MYRIP: variants seen among roughly 807,000 people sequenced by gnomAD.
MYRIP encodes rab effector MyRIP.
MYRIP carries 49 observed loss-of-function variants against 98.0 expected under a neutral mutation model. The ratio of observed to expected loss-of-function variants is 0.50; its 90% confidence interval spans 0.40 to 0.63. The LOEUF is 0.63. Among genes scored for constraint, MYRIP ranks in the 30% least tolerant of loss-of-function variants. The pLI, the probability that MYRIP is intolerant of heterozygous loss-of-function variation, is 0.00. For synonymous variants in MYRIP, 404 were observed against 409.5 expected, an observed-to-expected ratio of 0.99 and a Z score of 0.16; for missense variants, 1,004 against 1,058.2, an observed-to-expected ratio of 0.95 and a Z score of 0.71.
At chr3:39,847,544 C>G (rs1942001933) in intron 1 of MYRIP, among the ~76,000 whole-genome samples, 1 of 152,168 alleles carries the variant, frequency 6.6e-6, no homozygotes, top group Non-Finnish European at 1.5e-5. Flanking sequence ...GCTCCTTGCT[C>G]TCAACAAGTA....
intron 1 of MYRIP, among the ~76,000 whole-genome samples, chr3:39,887,552 C>G (rs1943344052): frequency 6.6e-6 from 1 of 152,146 alleles, no homozygotes; most frequent in Non-Finnish European, 1.5e-5. Context: ...CTATCTATGA[C>G]AAACCCACAG....
rs565859581 is a variant in MYRIP at position 39,898,187 on chromosome 3, T to A, written c.-30-2600T>A. 2.0e-5 allele frequency among the ~76,000 whole-genome samples: 3 copies of A among 152,296 alleles called. No homozygotes were observed. In the East Asian group the frequency reaches 5.8e-4, roughly 29 times the overall value. ...ACCTAGTGCAAGTACATTAGGTTTC[T>A]TCCTGCCCTCAACCCTAACACCACT... On this transcript the variant is annotated intron_variant, in intron 1 of 16. Transcript: ENST00000302541.
Position 40,022,621 on chromosome 3 carries a change from G to T in MYRIP, c.111-21429G>T, listed in dbSNP as rs552286442. Among the ~76,000 whole-genome samples, 19 of 152,278 alleles carry T rather than the reference G, an allele frequency of 1.2e-4. No individual in the cohort carries two copies. In the East Asian group the frequency reaches 3.7e-3, roughly 29 times the overall value. ...ATTGAAGGCAGCTTGGAATGCTCGT[G>T]TGCAATGCAGGTCGGGGATGTGGAG... On this transcript the variant is annotated intron_variant, in intron 2 of 16. Coordinates refer to ENST00000302541, the MANE Select transcript of MYRIP (RefSeq NM_015460.4).
intron 3 of MYRIP, among the ~76,000 whole-genome samples, chr3:40,104,749 G>C (rs1046826236): frequency 1.3e-5 from 2 of 152,050 alleles, no homozygotes; most frequent in Non-Finnish European, 2.9e-5. Context: ...TTTAATCCAA[G>C]ACACAAAGAG....
At chr3:39,857,474 CTTCAACATAAT>C (rs1351330575) in intron 1 of MYRIP, among the ~76,000 whole-genome samples, 1 of 151,974 alleles carries the variant, frequency 6.6e-6, no homozygotes, top group East Asian at 1.9e-4. Context: ...CAATAGAGAG[CTTCAACATAAT>C]TCTCAATCAA....
intron 1 of MYRIP, among the ~76,000 whole-genome samples, chr3:39,823,988 C>T (rs1370427726): frequency 6.6e-6 from 1 of 151,990 alleles, no homozygotes; most frequent in Non-Finnish European, 1.5e-5. Flanking sequence ...GTAGTTTTGT[C>T]TCTTACATTT....
chr3:40,108,292 A>C (rs1320831268), intron 3 of MYRIP, among the ~76,000 whole-genome samples: 1 of 150,902 alleles, frequency 6.6e-6, no homozygotes, highest in Non-Finnish European at 1.5e-5. Flanking sequence ...CAGAGTTTAT[A>C]ATTTAAGGCA....
intron 3 of MYRIP, among the ~76,000 whole-genome samples, chr3:40,137,157 A>G (rs887544361): frequency 1.3e-5 from 2 of 152,216 alleles, no homozygotes; most frequent in African/African-American, 4.8e-5. Flanking sequence ...AAAGAAGAAA[A>G]GAGAGAAGAA....
chr3:39,903,804 TG>T (rs963346378), intron 2 of MYRIP, among the ~76,000 whole-genome samples: 2 of 152,240 alleles, frequency 1.3e-5, no homozygotes, highest in Non-Finnish European at 2.9e-5. Context: ...GCCAGTATTT[TG>T]TTTTCCAGAT....
chr3:40,145,995 A>G (rs1443444537), intron 3 of MYRIP, among the ~76,000 whole-genome samples: 2 of 152,186 alleles, frequency 1.3e-5, no homozygotes, highest in East Asian at 1.9e-4. Flanking sequence ...GGCACATGGG[A>G]TATAGGAGTG....
intron 3 of MYRIP, among the ~76,000 whole-genome samples, chr3:40,061,420 T>C (rs1036790929): frequency 2.1e-4 from 32 of 152,374 alleles, no homozygotes; most frequent in African/African-American, 7.0e-4. Flanking sequence ...GGTCTTGTTC[T>C]TTTTTACGGC....
intron 1 of MYRIP, among the ~76,000 whole-genome samples, chr3:39,853,691 C>T (rs1458612662): frequency 1.3e-5 from 2 of 151,952 alleles, no homozygotes; most frequent in East Asian, 3.9e-4. Flanking sequence ...ATATTTTCTC[C>T]CATTCTGTGG....
chr3:39,905,771 C>T (rs1039859409), intron 2 of MYRIP, among the ~76,000 whole-genome samples: 6 of 152,158 alleles, frequency 3.9e-5, no homozygotes, highest in East Asian at 1.9e-4. Context: ...CATTGTTTAC[C>T]GCTACCTCTC....
intron 3 of MYRIP, among the ~76,000 whole-genome samples, chr3:40,049,763 G>C (rs1947750604): frequency 6.6e-6 from 1 of 152,158 alleles, no homozygotes; most frequent in Non-Finnish European, 1.5e-5. Context: ...TAGCCAGGTT[G>C]TGAATGCAAA....
At chr3:39,881,345 C>A (rs1409973063) in intron 1 of MYRIP, among the ~76,000 whole-genome samples, 1 of 152,134 alleles carries the variant, frequency 6.6e-6, no homozygotes, top group African/African-American at 2.4e-5. Context: ...TTGGAGGCAC[C>A]TTAACAAGTG....
intron 1 of MYRIP, among the ~76,000 whole-genome samples, chr3:39,871,386 T>C (rs577313150): frequency 6.6e-6 from 1 of 152,318 alleles, no homozygotes; most frequent in South Asian, 2.1e-4. Flanking sequence ...CCTTTAAAAA[T>C]AGTTTTTATT....
chr3:39,922,195 G>T lies in MYRIP; in HGVS notation c.110+21269G>T, dbSNP rs546883980. 3.0e-4 allele frequency among the ~76,000 whole-genome samples: 46 copies of T among 152,238 alleles called. 1 individual carries two copies. In the South Asian group the frequency reaches 8.1e-3, roughly 27 times the overall value. ...AAAGTTGGCAATACCAGTTGTCACA[G>T]AAATACCAATTGTCAGAGATGAAAA... On this transcript the variant is annotated intron_variant, in intron 2 of 16. Coordinates refer to ENST00000302541, the MANE Select transcript of MYRIP (RefSeq NM_015460.4).
chr3:39,966,478 A>G (rs1258725038), intron 2 of MYRIP, among the ~76,000 whole-genome samples: 1 of 152,214 alleles, frequency 6.6e-6, no homozygotes, highest in African/African-American at 2.4e-5. Flanking sequence ...AATAGCATAG[A>G]TATTAGTGTT....
chr3:40,020,622 T>G (rs1437757190), intron 2 of MYRIP, among the ~76,000 whole-genome samples: 1 of 152,210 alleles, frequency 6.6e-6, no homozygotes, highest in Non-Finnish European at 1.5e-5. Context: ...AGGTTTTCCT[T>G]GAGCTCAAAC....
Sources: allele counts gnomAD v4.1 joint callset (sites outside exome capture counted in the v4.1 genomes callset), GRCh38; gene constraint gnomAD v4.1.1; transcripts MANE v1.5; gene names NCBI Gene and HGNC (gene_info 2026-07-23, HGNC 2026-07-21).